Variants in COMMD10 observed in about 807,000 individuals in gnomAD.
The protein encoded by COMMD10 is COMM domain-containing protein 10.
A neutral mutation model predicts 28.9 loss-of-function variants in COMMD10; 33 were observed. That is an observed-to-expected ratio of 1.14 (90% CI 0.87 to 1.53). The LOEUF is 1.53. Ranked by LOEUF, COMMD10 falls within the 40% of genes most tolerant of loss-of-function variation. COMMD10 has a pLI of 0.00. For missense variants in COMMD10, 310 were observed against 233.4 expected (o/e 1.33, Z -2.14); for synonymous variants, 110 against 81.7 (o/e 1.35, Z -1.87).
At chr5:116,100,594 C>T (rs1253077194) in intron 4 of COMMD10, among the ~76,000 whole-genome samples, 3 of 145,154 alleles carry the variant, frequency 2.1e-5, no homozygotes, top group African/African-American at 7.6e-5. Flanking sequence ...CATGGTGTAT[C>T]CTTGGTGCCC....
chr5:116,125,509 A>C (rs1388068361), intron 4 of COMMD10, among the ~76,000 whole-genome samples: 1 of 152,018 alleles, frequency 6.6e-6, no homozygotes, highest in East Asian at 1.9e-4. Context: ...AACTCTGGTG[A>C]ATCTGACAAT....
At chr5:116,143,755 C>A (rs560952511) in intron 5 of COMMD10, among the ~76,000 whole-genome samples, 1 of 151,922 alleles carries the variant, frequency 6.6e-6, no homozygotes, top group South Asian at 2.1e-4. Flanking sequence ...AGTAAATATG[C>A]ACTAACTTTT....
intron 5 of COMMD10, among the ~76,000 whole-genome samples, chr5:116,277,370 A>G (rs779103853): frequency 3.3e-5 from 5 of 151,930 alleles, no homozygotes; most frequent in Non-Finnish European, 7.4e-5. Context: ...GCAGAGAACT[A>G]ATGTGCATGG....
At chr5:116,284,999 A>G (rs753488542) in intron 5 of COMMD10, among the ~76,000 whole-genome samples, 5 of 151,832 alleles carry the variant, frequency 3.3e-5, no homozygotes, top group Admixed American at 6.6e-5. Context: ...AACCTTCTGT[A>G]CATTTTATGA....
intron 5 of COMMD10, among the ~76,000 whole-genome samples, chr5:116,172,992 AAAT>A (rs1753387376): frequency 6.6e-6 from 1 of 152,170 alleles, no homozygotes; most frequent in African/African-American, 2.4e-5. Flanking sequence ...AAACTGCTTA[AAAT>A]AATGGCAGTA....
At chr5:116,241,875 C>T (rs1052341925) in intron 5 of COMMD10, among the ~76,000 whole-genome samples, 52 of 152,120 alleles carry the variant, frequency 3.4e-4, no homozygotes, top group African/African-American at 1.2e-3. Flanking sequence ...CCTCGGCCTC[C>T]CAAAGTGCTG....
chr5:116,180,331 T>C (rs564223788), intron 5 of COMMD10, among the ~76,000 whole-genome samples: 2 of 152,162 alleles, frequency 1.3e-5, no homozygotes, highest in Non-Finnish European at 2.9e-5. Flanking sequence ...GATCCATTGC[T>C]TAGGATATAT....
intron 4 of COMMD10, among the ~76,000 whole-genome samples, chr5:116,098,762 T>G (rs989809441): frequency 6.6e-6 from 1 of 152,174 alleles, no homozygotes. Context: ...TGAAATAATG[T>G]TAAAAAATCA....
In COMMD10 at chr5:116,121,655, CT is replaced by C. The variant is rs1160670450; in HGVS notation, c.400-12408del. 2.6e-5 allele frequency among the ~76,000 whole-genome samples: 4 copies of C among 152,158 alleles called. No individual in the cohort carries two copies. In the East Asian group the frequency reaches 7.7e-4, roughly 29 times the overall value. ...CTCTTCAGCATCTGTTGTTTCCTGA[CT>C]TTTTAATGATCGCCATTCTAACTGG... On this transcript the variant is annotated intron_variant, in intron 4 of 6. Transcript: ENST00000274458.
intron 5 of COMMD10, among the ~76,000 whole-genome samples, chr5:116,170,271 C>G (rs1753278481): frequency 6.6e-6 from 1 of 152,116 alleles, no homozygotes; most frequent in African/African-American, 2.4e-5. Flanking sequence ...TCTAGAAATA[C>G]AACTTACAAG....
intron 5 of COMMD10, 78 bp from the exon 6 acceptor site, chr5:116,291,439 C>A: frequency 1.0e-6 from 1 of 980,998 alleles, no homozygotes; most frequent in Non-Finnish European, 1.6e-6. Context: ...ATGTCATATT[C>A]TGAGGTTAGC....
intron 5 of COMMD10, among the ~76,000 whole-genome samples, chr5:116,283,861 G>A (rs1751144124): frequency 6.6e-6 from 1 of 151,802 alleles, no homozygotes; most frequent in South Asian, 2.1e-4. Context: ...CAGGTACAGT[G>A]GCTCATGCCT....
intron 1 of COMMD10, among the ~76,000 whole-genome samples, chr5:116,087,208 A>G (rs969807787): frequency 6.6e-6 from 1 of 152,160 alleles, no homozygotes; most frequent in African/African-American, 2.4e-5. Context: ...GCTCTACTAA[A>G]TTAAGGCTCT....
chr5:116,188,515 C>A (rs1748220356), intron 5 of COMMD10: 1 of 152,092 alleles, frequency 6.6e-6, no homozygotes, highest in South Asian at 2.1e-4. Context: ...CTTTGTCTTT[C>A]CAATTTTAGC....
chr5:116,276,531 C>T (rs533108549), intron 5 of COMMD10, among the ~76,000 whole-genome samples: 1 of 151,798 alleles, frequency 6.6e-6, no homozygotes, highest in East Asian at 1.9e-4. Context: ...CCACCATGCC[C>T]AGCCGTATCT....
At chr5:116,091,261 A>G (rs1487015239) in intron 3 of COMMD10, 72 bp downstream of exon 3, 7 of 693,848 alleles carry the variant, frequency 1.0e-5, no homozygotes, top group Non-Finnish European at 1.6e-5. Flanking sequence ...GATATCTATG[A>G]CATTCTGTTT....
At position 116,092,547 on chromosome 5, in the gene COMMD10, A is replaced by G. The variant is rs1470366163; in HGVS notation, c.246A>G (p.Ala82=). 2 of 1,563,480 alleles carry G rather than the reference A, an allele frequency of 1.3e-6. No homozygotes were observed. The highest frequency in any genetic ancestry group is 2.3e-5 in the East Asian group (1 of 43,712). ...AATTTTTTGTTTCTTTTTAATAGGC[A>G]GTGTATCACAATGTGAAGCCAGCAG... ...LETISFILEQ[A]VYHNVKPAAL... Residue 82 remains alanine, a splice_region_variant and synonymous_variant, in exon 4 of 7, where the codon GCA becomes GCG. Transcript: ENST00000274458.
intron 5 of COMMD10, among the ~76,000 whole-genome samples, chr5:116,206,415 C>T (rs1257605816): frequency 6.6e-6 from 1 of 152,064 alleles, no homozygotes; most frequent in Non-Finnish European, 1.5e-5. Flanking sequence ...CTTTGGGAGG[C>T]CAAGGTGGGC....
intron 5 of COMMD10, among the ~76,000 whole-genome samples, chr5:116,146,548 T>C (rs984389724): frequency 1.3e-5 from 2 of 152,056 alleles, no homozygotes; most frequent in East Asian, 1.9e-4. Context: ...ATTTGCATTA[T>C]TGGATACTGA....
Sources: gnomAD v4.1 joint callset for allele counts (sites outside exome capture counted in the v4.1 genomes callset) on GRCh38, gnomAD v4.1.1 for gene constraint, MANE v1.5 for transcripts, NCBI Gene and HGNC (gene_info 2026-07-23, HGNC 2026-07-21) for gene names.